The following CENPI variants were observed in gnomAD, a reference collection of about 807,000 sequenced individuals.
CENPI encodes FSH primary response 1.
A neutral mutation model predicts 60.4 loss-of-function variants in CENPI; 4 were observed. That is an observed-to-expected ratio of 0.07 (90% CI 0.03 to 0.15). CENPI has a LOEUF of 0.15. Ranked by LOEUF, CENPI falls within the 10% of genes least tolerant of loss-of-function variation. The pLI, the probability that CENPI is intolerant of heterozygous loss-of-function variation, is 1.00. For synonymous variants in CENPI, 157 were observed against 189.4 expected (o/e 0.83, Z 1.40); for missense variants, 444 against 534.5 (o/e 0.83, Z 1.67).
chrX:101,166,568 A>T (rs772486222), downstream of CENPI, among the ~76,000 whole-genome samples: 26 of 112,933 alleles, frequency 2.3e-4, no homozygotes, highest in Middle Eastern at 4.6e-3. Flanking sequence ...TAATAGTTAA[A>T]TAAAGAATAG....
In CENPI at chrX:101,109,871, G is replaced by A. The variant is rs1374203269; in HGVS notation, c.484-20G>A. 1 of 1,082,828 alleles carries A rather than the reference G, an allele frequency of 9.2e-7. No homozygotes were observed. Among genetic ancestry groups the A allele is most frequent in the South Asian group, 1.9e-5 (1 of 53,329 alleles). The allele number at this position is 1,082,828 out of a possible 1,213,427, so 89.2% of individuals were successfully genotyped here. ...ACCAGTTATATTTCTTTAAAGATAA[G>A]TATTTTGTCTCTTCAATAGGTACTT... On this transcript the variant is annotated intron_variant, in intron 5 of 21. Transcript: ENST00000682095.
rs970630091 is a variant in CENPI, at chrX:101,160,381, T to C, written c.2095-1147T>C. On this transcript the variant is annotated intron_variant, in intron 20 of 21. Coordinates refer to ENST00000682095, the MANE Select transcript of CENPI (RefSeq NM_001386188.2). ...GCACCCTTAGCTTTTAGTTCTTTTT[T>C]TTTTTTTTTTTTTTTCTTTGATGGA... Among the ~76,000 whole-genome samples the C allele has an allele frequency of 2.9e-5, 3 of 103,303 alleles. No homozygotes were observed. In the South Asian group the frequency reaches 1.4e-3, roughly 48 times the overall value. The allele number at this position is 103,303 out of a possible 115,157, so 89.7% of individuals were successfully genotyped here.
chrX:101,174,521 G>A, the CENPI span, among the ~76,000 whole-genome samples: 1 of 111,225 alleles, frequency 9.0e-6, no homozygotes, highest in East Asian at 2.8e-4. Flanking sequence ...CAGCAACATA[G>A]ATACAGCTGG....
intron 15 of CENPI, among the ~76,000 whole-genome samples, chrX:101,133,215 A>G (rs17257557): frequency 0.23 from 25,586 of 109,253 alleles, 2,219 homozygotes; most frequent in South Asian, 0.34. Flanking sequence ...TTTGAGGTCT[A>G]TTTATGCTAA....
At chrX:101,176,567 T>C in the CENPI span, among the ~76,000 whole-genome samples, 1 of 112,402 alleles carries the variant, frequency 8.9e-6, no homozygotes, top group South Asian at 3.7e-4. Context: ...GGAAATTGTG[T>C]GTATTCTTTT....
intron 3 of CENPI, among the ~76,000 whole-genome samples, chrX:101,101,880 A>T (rs1490664140): frequency 1.8e-5 from 2 of 112,296 alleles, no homozygotes; most frequent in Non-Finnish European, 3.8e-5. Context: ...TCTTACATAA[A>T]CTCCTTTATT....
intron 16 of CENPI, among the ~76,000 whole-genome samples, chrX:101,144,325 C>T (rs942806845): frequency 5.5e-5 from 6 of 108,752 alleles, no homozygotes; most frequent in Admixed American, 9.9e-5. Context: ...TCAAGTGATC[C>T]GACTGCCTTG....
At chrX:101,153,993 C>T (rs1321924595) in intron 20 of CENPI, among the ~76,000 whole-genome samples, 2 of 111,557 alleles carry the variant, frequency 1.8e-5, no homozygotes, top group Non-Finnish European at 3.8e-5. Context: ...CAAATGTACC[C>T]ACACCATTTG....
chrX:101,134,034 G>T (rs2089822941), intron 15 of CENPI, among the ~76,000 whole-genome samples: 1 of 111,903 alleles, frequency 8.9e-6, no homozygotes, highest in Non-Finnish European at 1.9e-5. Flanking sequence ...GCAACCAGGG[G>T]AAGTTGTTTG....
intron 13 of CENPI, among the ~76,000 whole-genome samples, chrX:101,130,274 G>T (rs2089782446): frequency 9.0e-6 from 1 of 110,779 alleles, no homozygotes; most frequent in African/African-American, 3.3e-5. Flanking sequence ...TCTCTACAAA[G>T]AATACAAAAA....
chrX:101,130,156 C>A, intron 13 of CENPI, 83 bp downstream of exon 13: 1 of 699,471 alleles, frequency 1.4e-6, no homozygotes, highest in Non-Finnish European at 2.2e-6. Context: ...TTTTCTTGCC[C>A]GGCTGCGGTG....
chrX:101,124,261 G>A (rs1022161231), intron 8 of CENPI, among the ~76,000 whole-genome samples: 1 of 110,404 alleles, frequency 9.1e-6, no homozygotes, highest in African/African-American at 3.3e-5. Context: ...TGAGTTAAGT[G>A]GCAGTCTACT....
At chrX:101,099,172 A>C (rs909766832) in intron 2 of CENPI, among the ~76,000 whole-genome samples, 5 of 109,905 alleles carry the variant, frequency 4.5e-5, no homozygotes, top group African/African-American at 1.7e-4. Context: ...CACGCCTGTA[A>C]TCCCAGCACT....
Position 101,109,987 on chromosome X carries a change from G to C in CENPI, c.580G>C (p.Asp194His), listed in dbSNP as rs371684237. 7 of 1,169,929 alleles carry C rather than the reference G, an allele frequency of 6.0e-6. No homozygotes were observed. The African/African-American group carries it at 1.2e-4, about 21-fold the overall frequency. Reference sequence around the variant, plus strand: ...TGGCTTCTTTTTTGCTTCATTGCAAGATGATGCACTGGTAAGTAAAAATTG... The same window carrying C: ...TGGCTTCTTTTTTGCTTCATTGCAACATGATGCACTGGTAAGTAAAAATTG... ...LYGFFFASLQ[D>H]DALCPYVCHL... The change falls in exon 6 of 22, where the codon GAT becomes CAT. Residue 194 changes from aspartate (D) to histidine (H), a missense_variant. Physicochemically the swap from Asp to His is moderately conservative, Grantham distance 81. Coordinates refer to ENST00000682095, the MANE Select transcript of CENPI (RefSeq NM_001386188.2).
downstream of CENPI, among the ~76,000 whole-genome samples, chrX:101,168,004 A>G (rs2090148412): frequency 8.9e-6 from 1 of 111,798 alleles, no homozygotes; most frequent in Non-Finnish European, 1.9e-5. Context: ...TTATGTGGAG[A>G]CTAACAGCAT....
the CENPI span, among the ~76,000 whole-genome samples, chrX:101,176,678 C>A: frequency 8.9e-6 from 1 of 112,227 alleles, no homozygotes; most frequent in Non-Finnish European, 1.9e-5. Context: ...ATATTAGTTC[C>A]TTGTAGGATG....
intron 4 of CENPI, among the ~76,000 whole-genome samples, chrX:101,109,061 A>G (rs2089520997): frequency 1.9e-5 from 2 of 104,581 alleles, no homozygotes; most frequent in Non-Finnish European, 3.9e-5. Context: ...CTTCAATATA[A>G]CGTGAGGTGT....
At chrX:101,179,524 C>CTTTT in the CENPI span, among the ~76,000 whole-genome samples, 1 of 102,875 alleles carries the variant, frequency 9.7e-6, no homozygotes, top group Non-Finnish European at 2.0e-5. Context: ...TTCTTTCTTT[C>CTTTT]TTTTTTTTTT....
chrX:101,117,020 T>G (rs1213893150), intron 6 of CENPI, among the ~76,000 whole-genome samples: 1 of 111,216 alleles, frequency 9.0e-6, no homozygotes, highest in Non-Finnish European at 1.9e-5. Flanking sequence ...TTGCCCTCTT[T>G]TAAATTGGGT....
Sources: gnomAD v4.1 joint callset for allele counts (sites outside exome capture counted in the v4.1 genomes callset) on GRCh38, gnomAD v4.1.1 for gene constraint, MANE v1.5 for transcripts, NCBI Gene and HGNC (gene_info 2026-07-23, HGNC 2026-07-21) for gene names.